TSC2: variants seen among roughly 807,000 people sequenced by gnomAD.
The protein encoded by TSC2 is tuberin.
A neutral mutation model predicts 202.2 loss-of-function variants in TSC2; 29 were observed. The ratio of observed to expected loss-of-function variants is 0.14; its 90% CI spans 0.11 to 0.20. The LOEUF is 0.20. Among genes scored for constraint, TSC2 ranks in the 10% least tolerant of loss-of-function variants. TSC2 has a pLI of 1.00. For missense variants in TSC2, 2,429 were observed against 2,420.0 expected (o/e 1.00, Z -0.08); for synonymous variants, 1,349 against 1,044.0 (o/e 1.29, Z -5.63).
At chr16:2,082,275 C>A in intron 31 of TSC2, 161 bp from the exon 32 acceptor site, 2 of 781,502 alleles carry the variant, frequency 2.6e-6, no homozygotes, top group South Asian at 1.5e-5. Flanking sequence ...CTCCTCAGGT[C>A]TGCCCAAGCA....
At chr16:2,087,204 G>T (rs1428645975) in intron 38 of TSC2, 6 of 426,942 alleles carry the variant, frequency 1.4e-5, no homozygotes, top group African/African-American at 1.0e-4. Flanking sequence ...CTGTCAGGCT[G>T]CTCAGTTGGT....
In TSC2 at chr16:2,054,007, G is replaced by A. The variant is rs2516729; in HGVS notation, c.337-289G>A. On this transcript the variant is annotated intron_variant, in intron 4 of 41. Coordinates refer to ENST00000219476, the MANE Select transcript of TSC2 (RefSeq NM_000548.5). ...CACAAGGCTGTCTGCCCTGCACCGA[G>A]TGCAGGGGTCGGGCAGGAGCTGTGT... The A allele has an allele frequency of 4.1e-5, 21 of 511,428 alleles. No individual in the cohort carries two copies. The Admixed American group carries it at 6.7e-4, about 16-fold the overall frequency. 31.7% of individuals were successfully genotyped at this position (511,428 alleles called of 1,614,324 possible). A position where few individuals can be genotyped will look rare whatever the true frequency, so the allele number is the denominator to read the frequency against.
rs183330624 is a variant in TSC2 at position 2,075,230 on chromosome 16, A to T, written c.2546-569A>T. 1.0e-2 allele frequency: 1,562 copies of T among 156,206 alleles called. 10 individuals carry two copies. Among genetic ancestry groups the T allele is most frequent in the Non-Finnish European group, 0.014 (1,035 of 71,420 alleles). 9.7% of individuals were successfully genotyped at this position (156,206 alleles called of 1,614,324 possible). On this transcript the variant is annotated intron_variant, in intron 22 of 41. Coordinates refer to ENST00000219476, the MANE Select transcript of TSC2 (RefSeq NM_000548.5). ...AGAGCGAGACACCGTCTCAAAAAAAAAAAAGAGAGAAGTGAGGCCGGGCAC... is the reference window on the plus strand; with the variant it reads ...AGAGCGAGACACCGTCTCAAAAAAATAAAAGAGAGAAGTGAGGCCGGGCAC...
rs2085959207 is a variant in TSC2 at position 2,057,133 on chromosome 16, T to G, written c.803T>G (p.Leu268Arg). Residue 268 changes from leucine (L) to arginine (R), a missense_variant, in exon 9 of 42, where the codon CTG becomes CGG. Leu to Arg is a moderately radical substitution (Grantham distance 102). Coordinates refer to ENST00000219476, the MANE Select transcript of TSC2 (RefSeq NM_000548.5). ...KLMRNLLGTH[L>R]GHSAIYNMCH... is the part of the protein sequence containing the mutation. ...ATGCGGAACCTCCTTGGCACCCACC[T>G]GGGCCACAGCGCCATCTACAACATG... The G allele has an allele frequency of 6.4e-7, 1 of 1,551,672 alleles. No homozygotes were observed. The highest frequency in any genetic ancestry group is 8.7e-7 in the Non-Finnish European group (1 of 1,147,014).
intron 4 of TSC2, 111 bp from the exon 5 acceptor site, chr16:2,054,185 A>C: frequency 5.8e-6 from 9 of 1,545,680 alleles, no homozygotes; most frequent in African/African-American, 1.4e-5. Flanking sequence ...CTCTGTGGGA[A>C]GGAGAGGGGT....
In TSC2 at chr16:2,089,432, GGCACAGCCC is replaced by G. The variant is rs1158739459; in HGVS notation, c.*825_*833del. On this transcript the variant is annotated 3_prime_UTR_variant, in exon 42 of 42. Transcript: ENST00000219476. ...GACATCTGCCCAGGGGGTGGGGCCG[GGCACAGCCC>G]GCTGTACCTGAGGACTCGGGGAAAT... The G allele has an allele frequency of 8.2e-6, 4 of 489,066 alleles. No homozygotes were observed. The highest frequency in any genetic ancestry group is 7.8e-5 in the African/African-American group (4 of 51,416). The allele number at this position is 489,066 out of a possible 1,614,324, so 30.3% of individuals were successfully genotyped here. A position where few individuals can be genotyped will look rare whatever the true frequency, so the allele number is the denominator to read the frequency against.
Position 2,048,250 on chromosome 16 carries a change from C to T in TSC2, c.-30+185C>T, listed in dbSNP as rs1199434596. ...AACGGGTCTCTGCTGCAGGCGGCTCCGTGACAGCTCCTGCTTCACATGGGT... is the reference window on the plus strand; with the variant it reads ...AACGGGTCTCTGCTGCAGGCGGCTCTGTGACAGCTCCTGCTTCACATGGGT... On this transcript the variant is annotated intron_variant, in intron 1 of 41. Transcript: ENST00000219476. The T allele has an allele frequency of 1.0e-5, 14 of 1,334,736 alleles. No individual in the cohort carries two copies. In the Admixed American group the frequency reaches 2.2e-4, roughly 21 times the overall value. 82.7% of individuals were successfully genotyped at this position (1,334,736 alleles called of 1,614,324 possible). A position where few individuals can be genotyped will look rare whatever the true frequency, so the allele number is the denominator to read the frequency against.
intron 22 of TSC2, among the ~76,000 whole-genome samples, 199 bp from the exon 23 acceptor site, chr16:2,075,600 T>C (rs192551337): frequency 8.8e-4 from 129 of 146,530 alleles, no homozygotes; most frequent in Non-Finnish European, 1.6e-3. Flanking sequence ...AGGCGACAGC[T>C]CGAATTGGCC....
rs1320066659 is a variant in TSC2 at position 2,089,471 on chromosome 16, TAGCATCTCAGAGGCTA to T, written c.*862_*877del. On this transcript the variant is annotated 3_prime_UTR_variant, in exon 42 of 42. Transcript: ENST00000219476. ...TACCTGAGGACTCGGGGAAATAAAT[TAGCATCTCAGAGGCTA>T]GAAACCGTCCAATACTGCTGTGTCC... 1.6e-5 allele frequency: 9 copies of T among 553,864 alleles called. No homozygotes were observed. Among genetic ancestry groups the T allele is most frequent in the Non-Finnish European group, 2.6e-5 (8 of 310,636 alleles). The allele number at this position is 553,864 out of a possible 1,614,324, so 34.3% of individuals were successfully genotyped here. A position where few individuals can be genotyped will look rare whatever the true frequency, so the allele number is the denominator to read the frequency against.
chr16:2,083,626 T>C (rs905413392), intron 32 of TSC2, 69 bp from the exon 33 acceptor site: 1 of 1,547,860 alleles, frequency 6.5e-7, no homozygotes, highest in African/African-American at 1.4e-5. Context: ...AGGCTGGTTC[T>C]CGGAGGCCAC....
chr16:2,065,626 C>A lies in TSC2; in HGVS notation c.1707C>A (p.Val569=), dbSNP rs1379203110. The A allele has an allele frequency of 1.2e-6, 2 of 1,613,566 alleles. No individual in the cohort carries two copies. The highest frequency in any genetic ancestry group is 2.2e-5 in the South Asian group (2 of 91,040). The change falls in exon 16 of 42, where the codon GTC becomes GTA. Residue 569 remains valine (V), a synonymous_variant. Coordinates refer to ENST00000219476, the MANE Select transcript of TSC2 (RefSeq NM_000548.5). The stretch of plus-strand genomic sequence containing the variant: ...AGACAGCCGTCCTGGGGCTTCTGGT[C>A]ATCCTTCAGGTGGGTGTTCTGCACG... ...DVKTAVLGLL[V]ILQTKLYTLP...
intron 5 of TSC2, chr16:2,054,973 G>A (rs2151051627): frequency 2.9e-6 from 1 of 343,788 alleles, no homozygotes; most frequent in East Asian, 7.4e-5. Context: ...CAGGACAGGT[G>A]CCGGCCAGGT....
intron 21 of TSC2, among the ~76,000 whole-genome samples, chr16:2,073,239 A>G (rs1045433158): frequency 2.6e-5 from 4 of 151,274 alleles, no homozygotes; most frequent in African/African-American, 9.8e-5. Flanking sequence ...CTCTCTGTAG[A>G]GCGTTGCCTG....
At position 2,086,231 on chromosome 16, in the gene TSC2, C is replaced by G. The variant is rs763804965; in HGVS notation, c.4701C>G (p.Gly1567=). 4 of 1,612,744 alleles carry G rather than the reference C, an allele frequency of 2.5e-6. No individual in the cohort carries two copies. Among genetic ancestry groups the G allele is most frequent in the Middle Eastern group, 1.6e-4 (1 of 6,062 alleles). ...TCGCCATCCTGTCCAATGAGCATGGCTCCTACAGGTACACGGAGTTCCTGA... is the reference window on the plus strand; with the variant it reads ...TCGCCATCCTGTCCAATGAGCATGGGTCCTACAGGTACACGGAGTTCCTGA... ...SELAILSNEH[G]SYRYTEFLTG... is the part of the protein sequence containing the mutation. Residue 1567 remains glycine, a synonymous_variant, in exon 37 of 42, where the codon GGC becomes GGG. Transcript: ENST00000219476.
Position 2,088,302 on chromosome 16 carries a change from C to CACATCAAGCGGCT in TSC2, c.5237_5249dup (p.Arg1751HisfsTer28). ...CTCCAAGTGGATTGCCCGGCTCCGC[C>CACATCAAGCGGCT]ACATCAAGCGGCTCCGCCAGCGGGT... is the stretch of plus-strand genomic sequence containing the variant. On this transcript the variant is annotated frameshift_variant, in exon 41 of 42. Coordinates refer to ENST00000219476, the MANE Select transcript of TSC2 (RefSeq NM_000548.5). LOFTEE classifies it high-confidence loss of function. 1 of 1,612,714 alleles carries CACATCAAGCGGCT rather than the reference C, an allele frequency of 6.2e-7. No homozygotes were observed. The highest frequency in any genetic ancestry group is 8.5e-7 in the Non-Finnish European group (1 of 1,179,928).
intron 16 of TSC2, among the ~76,000 whole-genome samples, chr16:2,068,950 A>G (rs763502089): frequency 1.3e-5 from 2 of 151,846 alleles, no homozygotes; most frequent in Admixed American, 6.5e-5. Flanking sequence ...CTCATCACCA[A>G]GGTCTTCATT....
At chr16:2,048,523 C>T (rs1417755102) in intron 1 of TSC2, 64 bp from the exon 2 acceptor site, 1 of 1,601,592 alleles carries the variant, frequency 6.2e-7, no homozygotes, top group African/African-American at 1.3e-5. Flanking sequence ...GGCTGGAGGT[C>T]CGCAGTGGGG....
chr16:2,063,152 T>A, intron 14 of TSC2, 99 bp downstream of exon 14: 1 of 1,408,108 alleles, frequency 7.1e-7, no homozygotes, highest in Non-Finnish European at 9.8e-7. Flanking sequence ...GGGCTCTGCC[T>A]GGGACTTCGG....
chr16:2,058,198 T>C (rs1596285759), intron 9 of TSC2, among the ~76,000 whole-genome samples: 1 of 151,950 alleles, frequency 6.6e-6, no homozygotes, highest in African/African-American at 2.4e-5. Flanking sequence ...CCTGCATCTC[T>C]CCCAGCCCTG....
Sources: gnomAD v4.1 joint callset for allele counts (sites outside exome capture counted in the v4.1 genomes callset) on GRCh38, gnomAD v4.1.1 for gene constraint, MANE v1.5 for transcripts, NCBI Gene and HGNC (gene_info 2026-07-23, HGNC 2026-07-21) for gene names.